Variants in CASK observed in about 807,000 individuals in gnomAD.
The protein encoded by CASK is peripheral plasma membrane protein CASK.
Under a neutral mutation model 82.9 loss-of-function variants are expected in CASK, and 4 were observed. The observed-to-expected ratio is 0.05, with a 90% CI of 0.02 to 0.11. CASK has a LOEUF of 0.11. CASK is among the 10% of genes least tolerant of loss of function. The pLI is 1.00. For synonymous variants in CASK, 259 were observed against 253.5 expected (o/e 1.02, Z -0.20); for missense variants, 358 against 720.9 (o/e 0.50, Z 5.76).
At chrX:41,690,823 G>A (rs984845540) in intron 5 of CASK, among the ~76,000 whole-genome samples, 5 of 107,965 alleles carry the variant, frequency 4.6e-5, no homozygotes, top group Admixed American at 2.0e-4. Context: ...ATAGGCGCAC[G>A]TCACCATACC....
chrX:41,671,623 A>G, intron 5 of CASK, 93 bp from the exon 6 acceptor site: 1 of 558,882 alleles, frequency 1.8e-6, no homozygotes, highest in Middle Eastern at 3.8e-4. Flanking sequence ...ATAAAATTAG[A>G]TAACATGATA....
intron 3 of CASK, among the ~76,000 whole-genome samples, chrX:41,773,330 G>A (rs1352784648): frequency 1.9e-5 from 2 of 104,509 alleles, no homozygotes; most frequent in South Asian, 4.5e-4. Flanking sequence ...AGCTGTGATG[G>A]TGCCACTGCC....
At chrX:41,598,414 C>T (rs1164026127) in intron 12 of CASK, among the ~76,000 whole-genome samples, 1 of 111,393 alleles carries the variant, frequency 9.0e-6, no homozygotes, top group African/African-American at 3.3e-5. Flanking sequence ...TGCAATGGCA[C>T]GATCTTGGCT....
chrX:41,534,719 C>T lies in CASK; in HGVS notation c.2304G>A (p.Ala768=), dbSNP rs754678428. ...GACATTGCTTACGTGGAATAGGGTA[C>T]GCAAACCGGTCTGGGTGCTTTGTGA... is the stretch of plus-strand genomic sequence containing the variant. ...TLITKHPDRF[A]YPIPHTTRPP... Residue 768 remains alanine (A), a synonymous_variant, in exon 24 of 27, where the codon GCG becomes GCA. Coordinates refer to ENST00000378163, the MANE Select transcript of CASK (RefSeq NM_001367721.1). 21 of 1,201,658 alleles carry T rather than the reference C, an allele frequency of 1.7e-5. No individual in the cohort carries two copies. The highest frequency in any genetic ancestry group is 4.4e-5 in the Admixed American group (2 of 45,657).
intron 2 of CASK, among the ~76,000 whole-genome samples, chrX:41,824,554 T>A (rs915100734): frequency 8.9e-6 from 1 of 112,404 alleles, no homozygotes; most frequent in African/African-American, 3.2e-5. Context: ...CATCTTTCCA[T>A]GTGCAGCTTC....
chrX:41,804,863 C>CA (rs34388681), intron 2 of CASK, among the ~76,000 whole-genome samples: 19,535 of 108,692 alleles, frequency 0.18, 1,498 homozygotes, highest in Middle Eastern at 0.29. Context: ...TCTATAATAA[C>CA]AAAAAAAAAT....
intron 8 of CASK, among the ~76,000 whole-genome samples, chrX:41,659,348 C>T (rs1350572814): frequency 9.1e-6 from 1 of 110,095 alleles, no homozygotes; most frequent in Non-Finnish European, 1.9e-5. Flanking sequence ...CTGCTTCAGC[C>T]TCCTCAGTAG....
intron 2 of CASK, among the ~76,000 whole-genome samples, chrX:41,830,635 T>C (rs191521107): frequency 9.4e-6 from 1 of 106,706 alleles, no homozygotes; most frequent in Non-Finnish European, 1.9e-5. Flanking sequence ...CCTGGCTAAC[T>C]CGGTGAAACC....
At position 41,519,017 on chromosome X, in the gene CASK, C is replaced by A. The variant is rs1039206601; in HGVS notation, c.*1403G>T. The A allele has an allele frequency of 9.0e-6, 1 of 111,524 alleles. No homozygotes were observed. Among genetic ancestry groups the A allele is most frequent in the Non-Finnish European group, 1.9e-5 (1 of 53,070 alleles). The allele number at this position is 111,524 out of a possible 1,213,427, so 9.2% of individuals were successfully genotyped here. ...CTCCAGTACACCCGTGGCCCTTGGG[C>A]GCATGGCTCTGTGCGAGTCAGACGT... On this transcript the variant is annotated 3_prime_UTR_variant, in exon 27 of 27. Coordinates refer to ENST00000378163, the MANE Select transcript of CASK (RefSeq NM_001367721.1).
chrX:41,542,687 C>G lies in CASK; in HGVS notation c.2155+4G>C, dbSNP rs749155089. On this transcript the variant is annotated splice_donor_region_variant and intron_variant, in intron 22 of 26. Transcript: ENST00000378163. The stretch of plus-strand genomic sequence containing the variant: ...GCCTCAGTAACAGTTGTGCTTTTCC[C>G]TACCTGCATTGTGCTTTGCCAAATA... The G allele has an allele frequency of 2.6e-6, 3 of 1,142,635 alleles. No individual in the cohort carries two copies. 94.2% of individuals were successfully genotyped at this position (1,142,635 alleles called of 1,213,427 possible). A position where few individuals can be genotyped will look rare whatever the true frequency, so the allele number is the denominator to read the frequency against.
At chrX:41,806,044 A>C (rs1378509509) in intron 2 of CASK, among the ~76,000 whole-genome samples, 1 of 111,700 alleles carries the variant, frequency 9.0e-6, no homozygotes, top group African/African-American at 3.3e-5. Context: ...ACAGACATTA[A>C]AGAAATAAGA....
intron 1 of CASK, among the ~76,000 whole-genome samples, chrX:41,869,838 C>CAAAAAAAAAAAAAAAAAAAAAAAA (rs2071670954): frequency 2.3e-5 from 1 of 44,173 alleles, no homozygotes; most frequent in Non-Finnish European, 4.6e-5. Flanking sequence ...AAAAAAAAAG[C>CAAAAAAAAAAAAAAAAAAAAAAAA]CAAAATTTAA....
intron 1 of CASK, among the ~76,000 whole-genome samples, chrX:41,866,583 A>G (rs751290839): frequency 8.9e-6 from 1 of 112,123 alleles, no homozygotes; most frequent in Non-Finnish European, 1.9e-5. Flanking sequence ...GGGCAGTGAA[A>G]AGTAAGTCTA....
At chrX:41,868,807 G>T (rs1178088286) in intron 1 of CASK, among the ~76,000 whole-genome samples, 1 of 111,329 alleles carries the variant, frequency 9.0e-6, no homozygotes, top group Non-Finnish European at 1.9e-5. Flanking sequence ...TGGCGCATAC[G>T]AACAACAGGA....
intron 3 of CASK, among the ~76,000 whole-genome samples, chrX:41,778,042 T>C (rs756079171): frequency 5.4e-5 from 6 of 111,895 alleles, no homozygotes; most frequent in East Asian, 2.8e-4. Flanking sequence ...CATTAAAATA[T>C]TGTATCCAAA....
intron 6 of CASK, among the ~76,000 whole-genome samples, chrX:41,666,216 T>C (rs1309979954): frequency 1.8e-5 from 2 of 111,593 alleles, no homozygotes; most frequent in Non-Finnish European, 3.8e-5. Flanking sequence ...CTTTAAAGAG[T>C]TTTCTTTTGT....
At chrX:41,531,321 C>A in intron 24 of CASK, 112 bp from the exon 25 acceptor site, 1 of 630,990 alleles carries the variant, frequency 1.6e-6, no homozygotes, top group South Asian at 2.3e-5. Flanking sequence ...GATTCTTTAG[C>A]GTATATCTCA....
chrX:41,517,577 T>C lies in CASK; in HGVS notation c.*2843A>G. 1 of 363,347 alleles carries C rather than the reference T, an allele frequency of 2.8e-6. No homozygotes were observed. Among genetic ancestry groups the C allele is most frequent in the Non-Finnish European group, 4.8e-6 (1 of 207,191 alleles). 29.9% of individuals were successfully genotyped at this position (363,347 alleles called of 1,213,427 possible). ...TCTTGCTGTGGGGAATGGAGTTGGGTGGGGGAGAGAACCTTCAAAATGTGG... is the reference window on the plus strand; with the variant it reads ...TCTTGCTGTGGGGAATGGAGTTGGGCGGGGGAGAGAACCTTCAAAATGTGG... On this transcript the variant is annotated 3_prime_UTR_variant, in exon 27 of 27. Coordinates refer to ENST00000378163, the MANE Select transcript of CASK (RefSeq NM_001367721.1).
intron 26 of CASK, among the ~76,000 whole-genome samples, chrX:41,520,989 A>G (rs913435237): frequency 8.9e-6 from 1 of 111,920 alleles, no homozygotes; most frequent in Non-Finnish European, 1.9e-5. Flanking sequence ...CCTAGCCTCA[A>G]GCCACTCTCC....
Sources: allele counts gnomAD v4.1 joint callset (sites outside exome capture counted in the v4.1 genomes callset), GRCh38; gene constraint gnomAD v4.1.1; transcripts MANE v1.5; gene names NCBI Gene and HGNC (gene_info 2026-07-23, HGNC 2026-07-21).